PDE1A: variants seen among roughly 807,000 people sequenced by gnomAD.
PDE1A encodes the protein phosphodiesterase 1A.
PDE1A carries 35 observed loss-of-function variants against 61.7 expected under a neutral mutation model. That is an observed-to-expected ratio of 0.57 (90% CI 0.43 to 0.75). The LOEUF (loss-of-function observed/expected upper bound fraction) is 0.75. Among genes scored for constraint, PDE1A ranks in the 30% least tolerant of loss-of-function variants. The pLI, the probability that PDE1A is intolerant of heterozygous loss-of-function variation, is 0.00. For missense variants in PDE1A, 597 were observed against 630.6 expected (o/e 0.95, Z 0.57); for synonymous variants, 232 against 213.2 (o/e 1.09, Z -0.77).
At chr2:182,539,274 G>A in the PDE1A span, among the ~76,000 whole-genome samples, 1 of 152,284 alleles carries the variant, frequency 6.6e-6, no homozygotes, top group African/African-American at 2.4e-5. Flanking sequence ...TATCATAAAA[G>A]ATTATAAACA....
chr2:182,452,597 A>T (rs1194827604), intron 2 of PDE1A, among the ~76,000 whole-genome samples: 1 of 152,090 alleles, frequency 6.6e-6, no homozygotes, highest in African/African-American at 2.4e-5. Flanking sequence ...TCAGTGAACA[A>T]TGCCACTACA....
chr2:182,433,261 C>A (rs182473751), intron 2 of PDE1A, among the ~76,000 whole-genome samples: 71 of 152,226 alleles, frequency 4.7e-4, no homozygotes, highest in African/African-American at 1.7e-3. Context: ...CAGCAAAATT[C>A]ACTCTGCTTT....
chr2:182,226,138 G>A (rs559768285), intron 6 of PDE1A, among the ~76,000 whole-genome samples: 1 of 149,596 alleles, frequency 6.7e-6, no homozygotes, highest in South Asian at 2.1e-4. Context: ...TTCAAATTAT[G>A]TATTTATAAA....
At chr2:182,356,382 A>T (rs907046005) in intron 1 of PDE1A, among the ~76,000 whole-genome samples, 1 of 152,198 alleles carries the variant, frequency 6.6e-6, no homozygotes, top group African/African-American at 2.4e-5. Context: ...TAAAACGTAA[A>T]ATCGTATATT....
At chr2:182,508,313 C>G (rs1259616184) in intron 2 of PDE1A, among the ~76,000 whole-genome samples, 1 of 151,798 alleles carries the variant, frequency 6.6e-6, no homozygotes. Context: ...AACATTCCAT[C>G]AAAGACCACC....
At chr2:182,426,219 T>C (rs1282026735) in intron 1 of PDE1A, among the ~76,000 whole-genome samples, 1 of 152,256 alleles carries the variant, frequency 6.6e-6, no homozygotes, top group Non-Finnish European at 1.5e-5. Context: ...AACACTGCCC[T>C]TGCCTGTAAT....
At chr2:182,419,928 T>A (rs1292745290) in intron 1 of PDE1A, among the ~76,000 whole-genome samples, 3 of 152,010 alleles carry the variant, frequency 2.0e-5, no homozygotes, top group Non-Finnish European at 2.9e-5. Flanking sequence ...CAAAGATGAA[T>A]TCAGTATTGA....
chr2:182,587,692 C>T, the PDE1A span, among the ~76,000 whole-genome samples: 1 of 152,092 alleles, frequency 6.6e-6, no homozygotes. Flanking sequence ...TACTGACTTC[C>T]CCTTTCTTAG....
the PDE1A span, among the ~76,000 whole-genome samples, chr2:182,685,124 C>G: frequency 1.0e-3 from 154 of 149,890 alleles, no homozygotes; most frequent in East Asian, 0.011. Context: ...TACACACACA[C>G]ACAGAGAGAG....
chr2:182,229,131 C>T (rs1689366164), intron 6 of PDE1A, among the ~76,000 whole-genome samples: 1 of 152,032 alleles, frequency 6.6e-6, no homozygotes, highest in Non-Finnish European at 1.5e-5. Context: ...ACCTTCACAC[C>T]AGGTGAAGCT....
At position 182,222,462 on chromosome 2, in the gene PDE1A, ATGGTAGATAC is replaced by A. The variant is rs1340848845; in HGVS notation, c.776+1392_776+1401del. Among the ~76,000 whole-genome samples the A allele has an allele frequency of 2.0e-5, 3 of 152,018 alleles. No individual in the cohort carries two copies. The East Asian group carries it at 5.8e-4, about 29-fold the overall frequency. On this transcript the variant is annotated intron_variant, in intron 7 of 13. Transcript: ENST00000351439. ...TGAAACTATTGTGTGTGATACTGCA[ATGGTAGATAC>A]ATGACATTATACATTTGTCAAAACC...
At chr2:182,583,324 C>A in the PDE1A span, among the ~76,000 whole-genome samples, 1 of 152,084 alleles carries the variant, frequency 6.6e-6, no homozygotes, top group Non-Finnish European at 1.5e-5. Context: ...TGCAAACTGA[C>A]CACTTAAAAT....
chr2:182,622,164 T>A, the PDE1A span, among the ~76,000 whole-genome samples: 1 of 152,160 alleles, frequency 6.6e-6, no homozygotes, highest in Non-Finnish European at 1.5e-5. Context: ...AGAACCACTA[T>A]TTAAAACTAG....
intron 13 of PDE1A, chr2:182,168,323 A>C: frequency 6.4e-7 from 1 of 1,552,890 alleles, no homozygotes; most frequent in Non-Finnish European, 8.7e-7. Flanking sequence ...TATTTTAATA[A>C]TTTAGAGAAA....
intron 2 of PDE1A, among the ~76,000 whole-genome samples, chr2:182,248,625 C>T (rs1437491269): frequency 4.6e-5 from 7 of 152,046 alleles, no homozygotes; most frequent in African/African-American, 1.7e-4. Flanking sequence ...GAGGCGGCCA[C>T]GGAAGGAGAG....
At chr2:182,426,441 A>G in intron 1 of PDE1A, 137 bp downstream of exon 1, 1 of 616,398 alleles carries the variant, frequency 1.6e-6, no homozygotes, top group South Asian at 2.4e-5. Context: ...AGGCTCCCTC[A>G]GTATGCCTGA....
intron 2 of PDE1A, among the ~76,000 whole-genome samples, chr2:182,436,804 T>C (rs560508422): frequency 7.2e-5 from 11 of 152,144 alleles, no homozygotes; most frequent in East Asian, 5.8e-4. Context: ...AAAGACTATA[T>C]AGTTCGCATA....
chr2:182,494,891 T>G (rs936193715), intron 2 of PDE1A, among the ~76,000 whole-genome samples: 3 of 152,198 alleles, frequency 2.0e-5, no homozygotes, highest in Admixed American at 2.0e-4. Flanking sequence ...ATTTGTCTCT[T>G]GTGAGATTCC....
intron 1 of PDE1A, among the ~76,000 whole-genome samples, chr2:182,412,541 T>C (rs1439489889): frequency 1.3e-5 from 2 of 152,204 alleles, no homozygotes; most frequent in Non-Finnish European, 1.5e-5. Context: ...TGGCATGTAG[T>C]GGATGCTCAA....
Sources: gnomAD v4.1 joint callset for allele counts (sites outside exome capture counted in the v4.1 genomes callset) on GRCh38, gnomAD v4.1.1 for gene constraint, MANE v1.5 for transcripts, NCBI Gene and HGNC (gene_info 2026-07-23, HGNC 2026-07-21) for gene names.